The following MPP7 variants were observed in gnomAD, a reference collection of about 807,000 sequenced individuals.
MPP7 encodes MAGUK p55 subfamily member 7.
Under a neutral mutation model 76.5 loss-of-function variants are expected in MPP7, and 60 were observed. That is an observed-to-expected ratio of 0.78 (90% CI 0.64 to 0.97). MPP7 has a LOEUF of 0.97. MPP7 is among the 50% of genes least tolerant of loss of function. The probability of loss-of-function intolerance (pLI) is 0.00; values close to 1 mark genes in which losing one functional copy is unlikely to be tolerated. For synonymous variants in MPP7, 237 were observed against 244.5 expected, an observed-to-expected ratio of 0.97 and a Z score of 0.29; for missense variants, 641 against 694.0, an observed-to-expected ratio of 0.92 and a Z score of 0.86.
At chr10:28,090,410 A>G (rs895885610) in intron 11 of MPP7, among the ~76,000 whole-genome samples, 2 of 152,246 alleles carry the variant, frequency 1.3e-5, no homozygotes, top group Admixed American at 1.3e-4. Flanking sequence ...AGCTCTGTTG[A>G]AAAATCATTG....
intron 6 of MPP7, among the ~76,000 whole-genome samples, chr10:28,126,556 G>C (rs1055860418): frequency 1.3e-5 from 2 of 152,176 alleles, no homozygotes; most frequent in East Asian, 3.8e-4. Context: ...AATCTGACCA[G>C]AGACACAATC....
At chr10:28,148,798 T>A (rs1835789859) in intron 4 of MPP7, among the ~76,000 whole-genome samples, 1 of 152,202 alleles carries the variant, frequency 6.6e-6, no homozygotes, top group African/African-American at 2.4e-5. Context: ...TATAAAGGAA[T>A]ATTTTTGCAA....
At chr10:28,163,174 T>G (rs1320762858) in intron 3 of MPP7, among the ~76,000 whole-genome samples, 1 of 152,128 alleles carries the variant, frequency 6.6e-6, no homozygotes, top group Admixed American at 6.5e-5. Flanking sequence ...CTGGTCTCTC[T>G]TTCCTGTCTG....
chr10:28,054,714 T>C (rs1851489306), intron 16 of MPP7, among the ~76,000 whole-genome samples: 1 of 152,200 alleles, frequency 6.6e-6, no homozygotes, highest in South Asian at 2.1e-4. Flanking sequence ...TCTCACTCTG[T>C]CACCCAGGTT....
chr10:28,335,120 A>C (rs1257098488), upstream of MPP7, among the ~76,000 whole-genome samples: 1 of 152,248 alleles, frequency 6.6e-6, no homozygotes, highest in East Asian at 1.9e-4. Flanking sequence ...TTAGTTCCTC[A>C]TGGCACTGAA....
chr10:28,079,826 T>G (rs1166193500), intron 12 of MPP7, among the ~76,000 whole-genome samples: 1 of 152,102 alleles, frequency 6.6e-6, no homozygotes, highest in East Asian at 1.9e-4. Flanking sequence ...TGTGTATATT[T>G]TAAATGACAG....
chr10:28,155,317 C>T (rs146625211), intron 3 of MPP7, among the ~76,000 whole-genome samples: 9 of 152,158 alleles, frequency 5.9e-5, no homozygotes, highest in African/African-American at 1.2e-4. Context: ...AGGCCAAGTG[C>T]GGTGGCTCAC....
At chr10:28,213,810 A>G (rs1838225700) in intron 2 of MPP7, among the ~76,000 whole-genome samples, 1 of 131,238 alleles carries the variant, frequency 7.6e-6, no homozygotes, top group Admixed American at 7.3e-5. Flanking sequence ...AAAAAAAAAA[A>G]GAGAGAGAGA....
At chr10:28,175,019 C>T (rs181481517) in intron 3 of MPP7, among the ~76,000 whole-genome samples, 3 of 152,194 alleles carry the variant, frequency 2.0e-5, no homozygotes, top group Non-Finnish European at 4.4e-5. Flanking sequence ...CATGGCTGAG[C>T]ATGGTGGCTC....
At chr10:28,220,449 G>C (rs1838464334) in intron 2 of MPP7, among the ~76,000 whole-genome samples, 1 of 152,092 alleles carries the variant, frequency 6.6e-6, no homozygotes, top group Admixed American at 6.5e-5. Context: ...GGCTATAAAA[G>C]CTAAAATGCA....
At chr10:28,063,740 C>G (rs924302038) in intron 13 of MPP7, among the ~76,000 whole-genome samples, 2 of 152,150 alleles carry the variant, frequency 1.3e-5, no homozygotes, top group African/African-American at 4.8e-5. Flanking sequence ...TGAGGTGGAA[C>G]AGTTTCATCC....
At chr10:28,199,770 C>CA (rs1430782015) in intron 3 of MPP7, among the ~76,000 whole-genome samples, 2 of 151,778 alleles carry the variant, frequency 1.3e-5, no homozygotes, top group African/African-American at 4.8e-5. Flanking sequence ...CTATGCCTGG[C>CA]TAATTTTTAA....
At chr10:28,156,079 T>G (rs1292755707) in intron 3 of MPP7, among the ~76,000 whole-genome samples, 8 of 152,232 alleles carry the variant, frequency 5.3e-5, no homozygotes, top group Admixed American at 5.2e-4. Flanking sequence ...TTTCACAGTT[T>G]TAAAAGATGA....
At position 28,116,627 on chromosome 10, in the gene MPP7, C is replaced by T. The variant is rs908542308; in HGVS notation, c.952+3024G>A. ...GAGGGAGGGAAACAAATTTCCATTACAAATATCTTTGTTCGGTAAGCAATT... is the reference window on the plus strand; with the variant it reads ...GAGGGAGGGAAACAAATTTCCATTATAAATATCTTTGTTCGGTAAGCAATT... On this transcript the variant is annotated intron_variant, in intron 11 of 16. Transcript: ENST00000683449. Among the ~76,000 whole-genome samples the T allele has an allele frequency of 4.6e-5, 7 of 152,158 alleles. No homozygotes were observed. The South Asian group carries it at 1.5e-3, about 32-fold the overall frequency.
chr10:28,066,627 C>T (rs541464303), intron 13 of MPP7, among the ~76,000 whole-genome samples: 3 of 152,256 alleles, frequency 2.0e-5, no homozygotes, highest in South Asian at 4.2e-4. Context: ...CCCATGTAGC[C>T]AGCACTCTAA....
intron 1 of MPP7, among the ~76,000 whole-genome samples, chr10:28,302,506 G>A (rs541820771): frequency 1.3e-5 from 2 of 152,188 alleles, no homozygotes; most frequent in Admixed American, 6.5e-5. Flanking sequence ...TTTCCCCGGG[G>A]AGCCGGACTC....
intron 1 of MPP7, among the ~76,000 whole-genome samples, chr10:28,250,292 T>C (rs552251807): frequency 5.3e-5 from 8 of 152,280 alleles, no homozygotes; most frequent in Non-Finnish European, 5.9e-5. Flanking sequence ...AGAGAACATA[T>C]GGCCAAATGT....
At chr10:28,074,562 G>A (rs183153055) in intron 12 of MPP7, among the ~76,000 whole-genome samples, 3 of 152,280 alleles carry the variant, frequency 2.0e-5, no homozygotes, top group Admixed American at 6.5e-5. Flanking sequence ...TTCCCAAAGC[G>A]CTGGGATTAC....
rs1564634797 is a variant in MPP7, at chr10:28,109,861, A to AC, written c.952+9789_952+9790insG. On this transcript the variant is annotated intron_variant, in intron 11 of 16. Coordinates refer to ENST00000683449, the MANE Select transcript of MPP7 (RefSeq NM_001318170.2). ...CAGCCGCAGACGCAAAAAAAAAAAAAAAAAAAAAAAAACACTTAAAACAAT... is the reference window on the plus strand; with the variant it reads ...CAGCCGCAGACGCAAAAAAAAAAAAACAAAAAAAAAAAACACTTAAAACAAT... Among the ~76,000 whole-genome samples the AC allele has an allele frequency of 2.3e-4, 34 of 145,894 alleles. 1 individual carries two copies. The East Asian group carries it at 3.7e-3, about 16-fold the overall frequency.
Sources: gnomAD v4.1 joint callset for allele counts (sites outside exome capture counted in the v4.1 genomes callset) on GRCh38, gnomAD v4.1.1 for gene constraint, MANE v1.5 for transcripts, NCBI Gene and HGNC (gene_info 2026-07-23, HGNC 2026-07-21) for gene names.